CWF19L1: variants seen among roughly 807,000 people sequenced by gnomAD.
CWF19L1 encodes the protein CWF19 like cell cycle control factor 1.
Under a neutral mutation model 69.7 loss-of-function variants are expected in CWF19L1, and 60 were observed. The observed-to-expected ratio is 0.86, with a 90% confidence interval of 0.70 to 1.07. CWF19L1 has a LOEUF of 1.07. Ranked by LOEUF, CWF19L1 falls within the 50% of genes least tolerant of loss-of-function variation. The pLI, the probability that CWF19L1 is intolerant of heterozygous loss-of-function variation, is 0.00. For missense variants in CWF19L1, 591 were observed against 638.9 expected (o/e 0.92, Z 0.81); for synonymous variants, 209 against 222.2 (o/e 0.94, Z 0.53).
At chr10:100,259,257 T>G (rs983152973) in intron 4 of CWF19L1, among the ~76,000 whole-genome samples, 7 of 141,366 alleles carry the variant, frequency 5.0e-5, no homozygotes, top group Non-Finnish European at 9.2e-5. Context: ...TGCCAGCAGG[T>G]GGGGGGAAAA....
At position 100,235,683 on chromosome 10, in the gene CWF19L1, GA is replaced by G. The variant is rs780413746; in HGVS notation, c.1455del (p.Pro486LeufsTer67). ...EKLFHRIKKN[F>X]PLQFGREVLA... is the part of the protein sequence containing the mutation. ...AAAACATACCTTCCAAACTGCAAAG[GA>G]AAATTCTTTTTAATTCTGTGGAAAA... On this transcript the variant is annotated frameshift_variant, in exon 13 of 14. Coordinates refer to ENST00000354105, the MANE Select transcript of CWF19L1 (RefSeq NM_018294.6). LOFTEE classifies it high-confidence loss of function. 1.2e-6 allele frequency: 2 copies of G among 1,611,094 alleles called. No individual in the cohort carries two copies. The highest frequency in any genetic ancestry group is 1.7e-6 in the Non-Finnish European group (2 of 1,178,930).
intron 5 of CWF19L1, 91 bp downstream of exon 5, chr10:100,256,171 A>C: frequency 1.0e-6 from 1 of 967,880 alleles, no homozygotes; most frequent in Non-Finnish European, 1.6e-6. Flanking sequence ...CAAGAGCTAA[A>C]ATACTCAATA....
chr10:100,266,682 A>AT (rs35028554), intron 1 of CWF19L1, among the ~76,000 whole-genome samples: 10,705 of 135,016 alleles, frequency 0.079, 561 homozygotes, highest in African/African-American at 0.14. Flanking sequence ...CGCCTGGCTA[A>AT]TTTTTTTTTT....
At chr10:100,250,606 T>C (rs1846994179) in intron 6 of CWF19L1, among the ~76,000 whole-genome samples, 1 of 152,190 alleles carries the variant, frequency 6.6e-6, no homozygotes, top group African/African-American at 2.4e-5. Flanking sequence ...TGGCAAAATG[T>C]TGACAATAGT....
intron 5 of CWF19L1, among the ~76,000 whole-genome samples, chr10:100,255,481 C>T (rs1218500513): frequency 1.4e-5 from 2 of 147,752 alleles, no homozygotes; most frequent in East Asian, 4.0e-4. Flanking sequence ...CCCATCTCTA[C>T]TAAAAATACA....
At chr10:100,249,988 G>T (rs1359518816) in intron 7 of CWF19L1, 1 of 463,392 alleles carries the variant, frequency 2.2e-6, no homozygotes, top group African/African-American at 2.0e-5. Flanking sequence ...CATAGATGTG[G>T]AAGTAAAGGA....
intron 6 of CWF19L1, among the ~76,000 whole-genome samples, chr10:100,250,989 G>A (rs1218931543): frequency 6.6e-6 from 1 of 151,202 alleles, no homozygotes; most frequent in Non-Finnish European, 1.5e-5. Context: ...AGTCCTTTGT[G>A]TCTGGCTTCA....
intron 8 of CWF19L1, 135 bp downstream of exon 8, chr10:100,246,660 A>C: frequency 2.1e-6 from 2 of 940,080 alleles, no homozygotes; most frequent in Non-Finnish European, 3.0e-6. Flanking sequence ...ATCTACTAAG[A>C]TTTTCTAAAC....
At chr10:100,236,410 T>C (rs116318441) in intron 12 of CWF19L1, among the ~76,000 whole-genome samples, 3 of 152,100 alleles carry the variant, frequency 2.0e-5, no homozygotes, top group East Asian at 3.9e-4. Context: ...GCCCAACCCA[T>C]TGCCTATTTA....
intron 10 of CWF19L1, among the ~76,000 whole-genome samples, chr10:100,242,218 T>C (rs1846659470): frequency 6.6e-6 from 1 of 152,128 alleles, no homozygotes; most frequent in African/African-American, 2.4e-5. Flanking sequence ...CAAACAACCA[T>C]ATCATCATCA....
Position 100,233,330 on chromosome 10 carries a change from T to G in CWF19L1, c.1514A>C (p.Lys505Thr). The change falls in exon 14 of 14, where the codon AAG becomes ACG. Residue 505 changes from lysine to threonine, a missense_variant. Lys to Thr is a moderately conservative substitution (Grantham distance 78, BLOSUM62 -1). Coordinates refer to ENST00000354105, the MANE Select transcript of CWF19L1 (RefSeq NM_018294.6). ...GATCTGACACTGCCTCCAGTCAGAC[T>G]TATCAGGAACATTAAGGATGGCTTC... is the stretch of plus-strand genomic sequence containing the variant. ...ASEAILNVPD[K>T]SDWRQCQISK... 6.2e-7 allele frequency: 1 copy of G among 1,613,938 alleles called. No individual in the cohort carries two copies. The highest frequency in any genetic ancestry group is 8.5e-7 in the Non-Finnish European group (1 of 1,179,922).
chr10:100,259,190 G>A (rs1847312626), intron 4 of CWF19L1, among the ~76,000 whole-genome samples: 1 of 130,800 alleles, frequency 7.6e-6, no homozygotes, highest in African/African-American at 2.9e-5. Context: ...AACAGAGCAA[G>A]ACACTGTCTT....
intron 6 of CWF19L1, among the ~76,000 whole-genome samples, chr10:100,251,555 A>C (rs1394507414): frequency 8.3e-6 from 1 of 120,038 alleles, no homozygotes; most frequent in Non-Finnish European, 1.6e-5. Context: ...TCTGTTGCCC[A>C]GGCTGGAGTG....
chr10:100,261,817 C>T (rs1161782810), intron 2 of CWF19L1, among the ~76,000 whole-genome samples, 162 bp downstream of exon 2: 1 of 152,104 alleles, frequency 6.6e-6, no homozygotes, highest in African/African-American at 2.4e-5. Flanking sequence ...AATAGGTCTC[C>T]CTCCCCCAGC....
intron 4 of CWF19L1, 54 bp from the exon 5 acceptor site, chr10:100,256,530 C>T: frequency 2.2e-6 from 3 of 1,391,824 alleles, no homozygotes; most frequent in Non-Finnish European, 3.1e-6. Context: ...AATGAAAAGC[C>T]ATCAATAGGG....
At chr10:100,261,121 AG>A in intron 2 of CWF19L1, 77 bp from the exon 3 acceptor site, 2 of 924,254 alleles carry the variant, frequency 2.2e-6, no homozygotes, top group Non-Finnish European at 1.7e-6. Context: ...ATATTCAACT[AG>A]TTATTTAATA....
In CWF19L1 at chr10:100,233,134, C is replaced by G. The variant is rs1303446820; in HGVS notation, c.*93G>C. ...CTGCAATCCTGCTTGGGTGACAGAG[C>G]GAGACTTTGTCTCAAAAAAAATTCT... On this transcript the variant is annotated 3_prime_UTR_variant, in exon 14 of 14. Transcript: ENST00000354105. The G allele has an allele frequency of 1.5e-6, 2 of 1,308,020 alleles. No individual in the cohort carries two copies. Among genetic ancestry groups the G allele is most frequent in the Non-Finnish European group, 2.1e-6 (2 of 973,082 alleles). 81.0% of individuals were successfully genotyped at this position (1,308,020 alleles called of 1,614,324 possible). A position where few individuals can be genotyped will look rare whatever the true frequency, so the allele number is the denominator to read the frequency against.
chr10:100,251,640 T>C (rs1042867385), intron 6 of CWF19L1, among the ~76,000 whole-genome samples: 3 of 151,324 alleles, frequency 2.0e-5, no homozygotes, highest in African/African-American at 4.9e-5. Flanking sequence ...GCCTTCCAAG[T>C]AGCTGGGACT....
intron 5 of CWF19L1, chr10:100,253,826 T>G (rs1165109886): frequency 3.5e-6 from 1 of 288,412 alleles, no homozygotes; most frequent in East Asian, 6.4e-5. Context: ...AAACCTTTTT[T>G]GGAAAGTAAG....
Sources: gnomAD v4.1 joint callset for allele counts (sites outside exome capture counted in the v4.1 genomes callset) on GRCh38, gnomAD v4.1.1 for gene constraint, MANE v1.5 for transcripts, NCBI Gene and HGNC (gene_info 2026-07-23, HGNC 2026-07-21) for gene names.